Variants in CSMD1 observed in about 807,000 individuals in gnomAD.
CSMD1 encodes CUB and sushi domain-containing protein 1.
CSMD1 carries 213 observed loss-of-function variants against 417.5 expected under a neutral mutation model. The observed-to-expected ratio is 0.51, with a 90% CI of 0.46 to 0.57. The LOEUF (loss-of-function observed/expected upper bound fraction) is 0.57. CSMD1 is among the 20% of genes least tolerant of loss of function. The pLI, the probability that CSMD1 is intolerant of heterozygous loss-of-function variation, is 0.00. For missense variants in CSMD1, 6,923 were observed against 4,529.7 expected (o/e 1.53, Z -15.17); for synonymous variants, 2,862 against 1,736.8 (o/e 1.65, Z -16.11).
chr8:3,919,167 A>G (rs1201824094), intron 5 of CSMD1, among the ~76,000 whole-genome samples: 1 of 126,858 alleles, frequency 7.9e-6, no homozygotes, highest in Non-Finnish European at 1.6e-5. Context: ...GGTTGCCTGT[A>G]CTTTTCGTGT....
At chr8:4,858,560 G>A (rs533586831) in intron 1 of CSMD1, among the ~76,000 whole-genome samples, 24 of 152,168 alleles carry the variant, frequency 1.6e-4, no homozygotes, top group South Asian at 2.1e-4. Context: ...AAACAACTTC[G>A]GCAAAGTCTC....
chr8:4,168,019 A>C (rs940899822), intron 3 of CSMD1, among the ~76,000 whole-genome samples: 5 of 151,898 alleles, frequency 3.3e-5, no homozygotes, highest in Non-Finnish European at 7.4e-5. Flanking sequence ...ATCCCAGCTA[A>C]TCAGGAAGCT....
chr8:3,177,944 C>T (rs1821047242), intron 37 of CSMD1, among the ~76,000 whole-genome samples: 1 of 152,198 alleles, frequency 6.6e-6, no homozygotes, highest in African/African-American at 2.4e-5. Context: ...ACAAGAGTGA[C>T]ACTTGTGTTA....
chr8:3,194,280 A>G (rs1005436010), intron 33 of CSMD1, among the ~76,000 whole-genome samples: 2 of 152,220 alleles, frequency 1.3e-5, no homozygotes, highest in East Asian at 3.9e-4. Flanking sequence ...CAATCAAAAC[A>G]TGTATTTGCC....
intron 1 of CSMD1, among the ~76,000 whole-genome samples, chr8:4,969,438 C>T (rs1585429926): frequency 6.6e-6 from 1 of 151,616 alleles, no homozygotes; most frequent in African/African-American, 2.4e-5. Flanking sequence ...TCTATAGGAG[C>T]CAGTTCACAG....
intron 54 of CSMD1, among the ~76,000 whole-genome samples, chr8:2,989,086 G>C (rs1158252224): frequency 1.3e-5 from 2 of 152,228 alleles, no homozygotes; most frequent in Non-Finnish European, 2.9e-5. Flanking sequence ...ATTTATGTGA[G>C]ATACAACAGC....
chr8:3,231,087 A>G (rs1798809267), intron 26 of CSMD1, among the ~76,000 whole-genome samples: 1 of 152,154 alleles, frequency 6.6e-6, no homozygotes, highest in Non-Finnish European at 1.5e-5. Context: ...GCAAGCCCAG[A>G]GTTTTCACCA....
At chr8:4,137,756 T>A (rs1406543236) in intron 3 of CSMD1, among the ~76,000 whole-genome samples, 1 of 78,408 alleles carries the variant, frequency 1.3e-5, no homozygotes, top group Non-Finnish European at 3.9e-5. Context: ...AAATTACACT[T>A]TCCTAAATTT....
intron 1 of CSMD1, among the ~76,000 whole-genome samples, chr8:4,799,406 G>T (rs758459010): frequency 6.6e-6 from 1 of 151,384 alleles, no homozygotes; most frequent in Non-Finnish European, 1.5e-5. Flanking sequence ...TCCTCAGCCC[G>T]GCCACCATGG....
intron 7 of CSMD1, among the ~76,000 whole-genome samples, chr8:3,661,527 C>T (rs946169812): frequency 7.3e-5 from 11 of 151,700 alleles, no homozygotes; most frequent in Non-Finnish European, 4.4e-5. Flanking sequence ...GACTGAGTCC[C>T]ACTTTATCAC....
chr8:3,966,604 A>G (rs1812691118), intron 5 of CSMD1, among the ~76,000 whole-genome samples: 1 of 151,760 alleles, frequency 6.6e-6, no homozygotes, highest in African/African-American at 2.4e-5. Context: ...GGCATGCACT[A>G]CTCATATTCA....
At chr8:4,566,587 A>C (rs1380808393) in intron 2 of CSMD1, among the ~76,000 whole-genome samples, 1 of 130,486 alleles carries the variant, frequency 7.7e-6, no homozygotes, top group Non-Finnish European at 1.6e-5. Flanking sequence ...CAGGAGGTGG[A>C]GCTTGCAGTG....
chr8:4,249,051 T>G (rs556033002), intron 3 of CSMD1, among the ~76,000 whole-genome samples: 1 of 152,322 alleles, frequency 6.6e-6, no homozygotes, highest in Non-Finnish European at 1.5e-5. Flanking sequence ...TCAATGAATT[T>G]ACTATTAATC....
At chr8:4,690,193 A>G (rs1049685818) in intron 1 of CSMD1, among the ~76,000 whole-genome samples, 5 of 152,308 alleles carry the variant, frequency 3.3e-5, no homozygotes, top group African/African-American at 1.2e-4. Context: ...ATGTCAGTGC[A>G]GTTTTTTCTC....
chr8:3,001,795 G>A (rs6994630), intron 52 of CSMD1, among the ~76,000 whole-genome samples: 3,608 of 152,146 alleles, frequency 0.024, 145 homozygotes, highest in African/African-American at 0.082. Flanking sequence ...TCCCCAACAG[G>A]GAACACAACC....
chr8:3,848,525 G>C (rs1803667239), intron 5 of CSMD1, among the ~76,000 whole-genome samples: 1 of 152,148 alleles, frequency 6.6e-6, no homozygotes, highest in Non-Finnish European at 1.5e-5. Context: ...AGCCTGAGAA[G>C]TTACTTAATT....
intron 5 of CSMD1, among the ~76,000 whole-genome samples, chr8:3,893,498 T>C (rs2129128762): frequency 6.6e-6 from 1 of 151,802 alleles, no homozygotes; most frequent in African/African-American, 2.4e-5. Flanking sequence ...AGAACATTTA[T>C]TACAATTTTT....
intron 7 of CSMD1, among the ~76,000 whole-genome samples, chr8:3,663,196 A>C (rs1408912375): frequency 2.6e-5 from 4 of 152,164 alleles, no homozygotes; most frequent in African/African-American, 9.7e-5. Context: ...GCACAGAGAA[A>C]GCGTGAACAA....
Position 3,474,180 on chromosome 8 carries a change from C to G in CSMD1, c.1449-5356G>C, listed in dbSNP as rs112055172. Among the ~76,000 whole-genome samples, 414 of 152,168 alleles carry G rather than the reference C, an allele frequency of 2.7e-3. 2 individuals carry two copies. Among genetic ancestry groups the G allele is most frequent in the Non-Finnish European group, 5.1e-3 (346 of 68,010 alleles). ...TGCTCCCAGGTTTTCTCCCACATCC[C>G]AAAGCTGTGCATGTGAGGTTTATTG... On this transcript the variant is annotated intron_variant, in intron 11 of 69. Transcript: ENST00000635120.
Sources: allele counts gnomAD v4.1 joint callset (sites outside exome capture counted in the v4.1 genomes callset), GRCh38; gene constraint gnomAD v4.1.1; transcripts MANE v1.5; gene names NCBI Gene and HGNC (gene_info 2026-07-23, HGNC 2026-07-21).